Variants in NLGN1 observed in about 807,000 individuals in gnomAD.
NLGN1 encodes neuroligin 1.
Under a neutral mutation model 65.5 loss-of-function variants are expected in NLGN1, and 12 were observed. The observed-to-expected ratio is 0.18, with a 90% CI of 0.12 to 0.30. The LOEUF (loss-of-function observed/expected upper bound fraction) is 0.30. Ranked by LOEUF, NLGN1 falls within the 10% of genes least tolerant of loss-of-function variation. The pLI is 1.00. For missense variants in NLGN1, 750 were observed against 1,007.1 expected (o/e 0.74, Z 3.46); for synonymous variants, 350 against 359.5 (o/e 0.97, Z 0.30).
chr3:173,617,231 T>TCA (rs1395324735), intron 3 of NLGN1, among the ~76,000 whole-genome samples: 1 of 152,192 alleles, frequency 6.6e-6, no homozygotes, highest in Non-Finnish European at 1.5e-5. Context: ...TATTCTTTGA[T>TCA]ATCTTTGTGG....
chr3:173,791,274 G>T (rs1457183068), intron 3 of NLGN1, among the ~76,000 whole-genome samples: 3 of 152,136 alleles, frequency 2.0e-5, no homozygotes, highest in African/African-American at 7.2e-5. Flanking sequence ...TCACCAACCT[G>T]TACAAGCATT....
chr3:173,632,685 AG>A (rs1281944146), intron 3 of NLGN1, among the ~76,000 whole-genome samples: 1 of 152,152 alleles, frequency 6.6e-6, no homozygotes, highest in Non-Finnish European at 1.5e-5. Context: ...TCAAAGGGAC[AG>A]GATTTCCTGT....
At chr3:174,049,159 G>C (rs1274111585) in intron 4 of NLGN1, among the ~76,000 whole-genome samples, 1 of 152,202 alleles carries the variant, frequency 6.6e-6, no homozygotes, top group Middle Eastern at 3.4e-3. Context: ...CAAAGGCTTA[G>C]ACATAGGAAA....
chr3:174,190,520 A>G (rs990266684), intron 4 of NLGN1, among the ~76,000 whole-genome samples: 1 of 152,086 alleles, frequency 6.6e-6, no homozygotes, highest in Non-Finnish European at 1.5e-5. Context: ...ACTTATTGAT[A>G]CAACTATGTT....
intron 2 of NLGN1, among the ~76,000 whole-genome samples, chr3:173,491,912 C>T (rs1279667430): frequency 6.6e-6 from 1 of 151,698 alleles, no homozygotes; most frequent in East Asian, 1.9e-4. Context: ...TGCTATAACA[C>T]CACTCACCAA....
chr3:173,502,172 C>G (rs1731240653), intron 2 of NLGN1, among the ~76,000 whole-genome samples: 1 of 152,056 alleles, frequency 6.6e-6, no homozygotes, highest in South Asian at 2.1e-4. Flanking sequence ...ACAATCAACT[C>G]TATTATCAAG....
At chr3:173,499,960 A>G (rs573087771) in intron 2 of NLGN1, among the ~76,000 whole-genome samples, 1 of 151,876 alleles carries the variant, frequency 6.6e-6, no homozygotes, top group Non-Finnish European at 1.5e-5. Flanking sequence ...GGGCTGAGAA[A>G]TGGGGTTTTC....
At chr3:173,934,043 A>G (rs1011885231) in intron 4 of NLGN1, among the ~76,000 whole-genome samples, 3 of 151,802 alleles carry the variant, frequency 2.0e-5, no homozygotes, top group Non-Finnish European at 4.4e-5. Context: ...GGAGAGGTGC[A>G]AAAGACACTG....
At chr3:174,036,702 G>A (rs1340671452) in intron 4 of NLGN1, among the ~76,000 whole-genome samples, 1 of 151,144 alleles carries the variant, frequency 6.6e-6, no homozygotes, top group Admixed American at 6.6e-5. Flanking sequence ...TCATCACTCA[G>A]GTATTAAGCC....
In NLGN1 at chr3:173,947,268, C is replaced by T. The variant is rs150147444; in HGVS notation, c.646+139436C>T. Among the ~76,000 whole-genome samples the T allele has an allele frequency of 3.3e-3, 495 of 151,956 alleles. 5 individuals carry two copies. Among genetic ancestry groups the T allele is most frequent in the African/African-American group, 0.011 (451 of 41,434 alleles). On this transcript the variant is annotated intron_variant, in intron 4 of 6. Coordinates refer to ENST00000457714, the Ensembl canonical transcript of NLGN1. Reference sequence around the variant, plus strand: ...AACTCCTTACCTCCGGTGATCTGCCCGCTTCAGCCTCCCAAAGTGCTGGGA... The same window carrying T: ...AACTCCTTACCTCCGGTGATCTGCCTGCTTCAGCCTCCCAAAGTGCTGGGA...
At position 173,972,823 on chromosome 3, in the gene NLGN1, CAA is replaced by C. The variant is rs200280983; in HGVS notation, c.646+164994_646+164995del. Among the ~76,000 whole-genome samples the C allele has an allele frequency of 5.3e-3, 810 of 152,170 alleles. 5 individuals carry two copies. The highest frequency in any genetic ancestry group is 0.018 in the African/African-American group (765 of 41,524). The stretch of plus-strand genomic sequence containing the variant: ...AGGCTAGTAGCATCAACATCTCCTG[CAA>C]AATTGTTATACATCCAACTCCTTAA... On this transcript the variant is annotated intron_variant, in intron 4 of 6. Transcript: ENST00000457714.
intron 4 of NLGN1, among the ~76,000 whole-genome samples, chr3:174,017,383 T>G (rs1726796004): frequency 6.6e-6 from 1 of 152,190 alleles, no homozygotes. Flanking sequence ...ATGTGTATAG[T>G]AAATCATTTC....
intron 4 of NLGN1, among the ~76,000 whole-genome samples, chr3:174,218,307 C>T (rs1257812436): frequency 6.6e-6 from 1 of 151,856 alleles, no homozygotes; most frequent in East Asian, 1.9e-4. Context: ...AAAAATGTTC[C>T]CAGTACAATT....
At chr3:173,905,700 A>G (rs1226233412) in intron 4 of NLGN1, among the ~76,000 whole-genome samples, 1 of 152,206 alleles carries the variant, frequency 6.6e-6, no homozygotes, top group African/African-American at 2.4e-5. Flanking sequence ...TAAAAATAAC[A>G]GAAGACATGG....
chr3:173,605,119 G>A, intron 3 of NLGN1, 28 bp downstream of exon 2: 2 of 1,528,764 alleles, frequency 1.3e-6, no homozygotes, highest in East Asian at 2.3e-5. Context: ...AAAACAGGGA[G>A]ATATATTTAT....
At chr3:174,146,147 T>TCCTTCCTCTCTCCCTCCCTC (rs1364763593) in intron 4 of NLGN1, among the ~76,000 whole-genome samples, 3 of 135,934 alleles carry the variant, frequency 2.2e-5, no homozygotes, top group Non-Finnish European at 4.5e-5. Flanking sequence ...CTTCCTTCCT[T>TCCTTCCTCTCTCCCTCCCTC]CCTTCCTCTC....
chr3:174,162,850 G>T (rs545188241), intron 4 of NLGN1, among the ~76,000 whole-genome samples: 5 of 151,396 alleles, frequency 3.3e-5, no homozygotes, highest in African/African-American at 7.3e-5. Context: ...AAAAAAAATC[G>T]CTTTAATTCT....
chr3:173,560,524 ATT>A (rs3030773), intron 2 of NLGN1, among the ~76,000 whole-genome samples: 16,069 of 149,904 alleles, frequency 0.11, 1,107 homozygotes, highest in Middle Eastern at 0.21. Context: ...CAACAGAATG[ATT>A]TTTTTTTTTT....
At chr3:173,762,005 G>A (rs1016937233) in intron 3 of NLGN1, among the ~76,000 whole-genome samples, 1 of 152,020 alleles carries the variant, frequency 6.6e-6, no homozygotes, top group Non-Finnish European at 1.5e-5. Flanking sequence ...AATGTTTCAG[G>A]GGCAAGAGTC....
Sources: gnomAD v4.1 joint callset for allele counts (sites outside exome capture counted in the v4.1 genomes callset) on GRCh38, gnomAD v4.1.1 for gene constraint, MANE v1.5 for transcripts, NCBI Gene and HGNC (gene_info 2026-07-23, HGNC 2026-07-21) for gene names.